UBE2J2: variants seen among roughly 807,000 people sequenced by gnomAD.
The protein encoded by UBE2J2 is ubiquitin conjugating enzyme E2 J2.
In UBE2J2, 5 loss-of-function variants were observed where a neutral mutation model predicts 28.6. The observed-to-expected ratio is 0.17, with a 90% CI of 0.09 to 0.37. The LOEUF is 0.37. UBE2J2 is among the 10% of genes least tolerant of loss of function. UBE2J2 has a pLI of 1.00. For synonymous variants in UBE2J2, 138 were observed against 139.7 expected (o/e 0.99, Z 0.09); for missense variants, 226 against 338.9 (o/e 0.67, Z 2.62).
At chr1:1,255,558 C>T (rs1185960947) in intron 6 of UBE2J2, 71 bp from the exon 7 acceptor site, 1 of 1,516,566 alleles carries the variant, frequency 6.6e-7, no homozygotes, top group Non-Finnish European at 8.9e-7. Context: ...CTCCCGTTCT[C>T]AGGAGTCCAC....
intron 1 of UBE2J2, among the ~76,000 whole-genome samples, chr1:1,269,418 CAG>C (rs879739732): frequency 2.6e-5 from 4 of 151,860 alleles, no homozygotes; most frequent in Non-Finnish European, 4.4e-5. Flanking sequence ...GTGATGAAAA[CAG>C]GGCTCCCTGC....
At position 1,268,093 on chromosome 1, in the gene UBE2J2, T is replaced by A; in HGVS notation, c.1-101A>T. On this transcript the variant is annotated intron_variant, in intron 1 of 6. Transcript: ENST00000349431. This position sits in a 1 kb window ranked among gnomAD's most constrained non-coding sequence, Gnocchi z 4.7. ...CCCGCCTCTGCAGCCCGCCATTCAT[T>A]CAGGGCCCGGTCACCCAGAGTCACA... 1 of 1,507,272 alleles carries A rather than the reference T, an allele frequency of 6.6e-7. No homozygotes were observed. The highest frequency in any genetic ancestry group is 9.1e-7 in the Non-Finnish European group (1 of 1,101,348). 93.4% of individuals were successfully genotyped at this position (1,507,272 alleles called of 1,614,324 possible). A position where few individuals can be genotyped will look rare whatever the true frequency, so the allele number is the denominator to read the frequency against.
Position 1,272,181 on chromosome 1 carries a change from T to C in UBE2J2, c.-1+1485A>G, listed in dbSNP as rs534823665. On this transcript the variant is annotated intron_variant, in intron 1 of 6. Transcript: ENST00000349431. ...AAAAAATTCCACAAAGGAAGCAAAC[T>C]GTGAGAACAGAGTTTGAAGCATATG... 1.0e-3 allele frequency among the ~76,000 whole-genome samples: 151 copies of C among 151,254 alleles called. 1 individual carries two copies. The highest frequency in any genetic ancestry group is 1.7e-3 in the Non-Finnish European group (118 of 67,856).
chr1:1,267,678 C>T (rs891774884), intron 2 of UBE2J2, 184 bp downstream of exon 2: 67 of 1,388,322 alleles, frequency 4.8e-5, no homozygotes, highest in Non-Finnish European at 6.0e-5. Flanking sequence ...CCCCGGCATG[C>T]GTCCATTGGG....
chr1:1,262,081 T>A (rs1464848955), intron 3 of UBE2J2: 1 of 298,366 alleles, frequency 3.4e-6, no homozygotes, highest in Admixed American at 4.8e-5. Flanking sequence ...GGTCTCGAAC[T>A]CCTGACCTCA....
At chr1:1,266,751 C>T (rs1056211559) in intron 2 of UBE2J2, among the ~76,000 whole-genome samples, 3 of 150,988 alleles carry the variant, frequency 2.0e-5, no homozygotes, top group Admixed American at 6.6e-5. Flanking sequence ...GGCATGAACC[C>T]GGCAGGCAGA....
chr1:1,266,179 AC>A (rs1175697401), intron 2 of UBE2J2: 1 of 1,295,578 alleles, frequency 7.7e-7, no homozygotes, highest in African/African-American at 1.5e-5. Flanking sequence ...GCTCCGCCTC[AC>A]CCTGGGTATC....
chr1:1,256,028 A>G lies in UBE2J2; in HGVS notation c.495+17T>C. 6.3e-7 allele frequency: 1 copy of G among 1,577,784 alleles called. No individual in the cohort carries two copies. Among genetic ancestry groups the G allele is most frequent in the Non-Finnish European group, 8.7e-7 (1 of 1,147,746 alleles). On this transcript the variant is annotated intron_variant, in intron 6 of 6. Coordinates refer to ENST00000349431, the MANE Select transcript of UBE2J2 (RefSeq NM_058167.3). ...TTTAACGCAGGGGAAGGCGAAACCC[A>G]CTTCCGTCTTTCTTACCTCCACGAC...
rs57125925 is a variant in UBE2J2 at position 1,265,603 on chromosome 1, T to TTGTGTGTGTGTGTGTGTGTGTGTG, written c.131+2235_132-2218dup. ...TGTGTGTGTGTGTGTTTTCTCTCCA[T>TTGTGTGTGTGTGTGTGTGTGTGTG]TGTGTGTGTGTGTGTGTGTGTGTGT... On this transcript the variant is annotated intron_variant, in intron 2 of 6. Transcript: ENST00000349431. 9.9e-5 allele frequency among the ~76,000 whole-genome samples: 12 copies of TTGTGTGTGTGTGTGTGTGTGTGTG among 120,948 alleles called. No homozygotes were observed. In the East Asian group the frequency reaches 1.0e-3, roughly 10 times the overall value. The allele number at this position is 120,948 out of a possible 152,430, so 79.3% of individuals were successfully genotyped here.
intron 1 of UBE2J2, chr1:1,272,802 C>T (rs1203434361): frequency 6.3e-6 from 1 of 159,654 alleles, no homozygotes; most frequent in East Asian, 1.9e-4. Context: ...TCCGGGCACC[C>T]AGACCCAACC....
intron 1 of UBE2J2, among the ~76,000 whole-genome samples, chr1:1,269,325 G>T (rs1054096519): frequency 6.6e-6 from 1 of 150,390 alleles, no homozygotes; most frequent in East Asian, 2.0e-4. Flanking sequence ...TGGGGAGAGG[G>T]GTGGTGATCA....
Position 1,268,858 on chromosome 1 carries a change from G to A in UBE2J2, c.1-866C>T, listed in dbSNP as rs966689750. ...ACGCCTAGCTAATTTTTTTTTTTTT[G>A]TAGAGCTGGGATCTCACTATGTTGC... On this transcript the variant is annotated intron_variant, in intron 1 of 6. Transcript: ENST00000349431. The surrounding 1 kb of genome is among the most constrained non-coding windows in gnomAD (Gnocchi z 4.7). Among the ~76,000 whole-genome samples the A allele has an allele frequency of 1.4e-5, 2 of 140,576 alleles. No homozygotes were observed. The highest frequency in any genetic ancestry group is 3.1e-5 in the Non-Finnish European group (2 of 64,548). 92.2% of individuals were successfully genotyped at this position (140,576 alleles called of 152,430 possible).
At chr1:1,261,251 T>C (rs1639543380) in intron 3 of UBE2J2, among the ~76,000 whole-genome samples, 2 of 152,106 alleles carry the variant, frequency 1.3e-5, no homozygotes, top group Admixed American at 1.3e-4. Flanking sequence ...GGAGCAGCAG[T>C]GCCATAGAGG....
intron 2 of UBE2J2, chr1:1,266,186 G>A: frequency 7.7e-7 from 1 of 1,292,434 alleles, no homozygotes; most frequent in Non-Finnish European, 1.0e-6. Context: ...CTCACCCTGG[G>A]TATCCTCCGC....
At chr1:1,272,153 A>AC (rs1422176861) in intron 1 of UBE2J2, among the ~76,000 whole-genome samples, 1 of 152,036 alleles carries the variant, frequency 6.6e-6, no homozygotes, top group East Asian at 1.9e-4. Flanking sequence ...CTGTATCAAA[A>AC]AAAAAAAATT....
chr1:1,261,339 C>T (rs1472915808), intron 3 of UBE2J2, among the ~76,000 whole-genome samples: 1 of 152,214 alleles, frequency 6.6e-6, no homozygotes, highest in African/African-American at 2.4e-5. Context: ...AGCACAGAGC[C>T]ACACACGGTT....
chr1:1,266,798 G>T (rs1336699252), intron 2 of UBE2J2, among the ~76,000 whole-genome samples: 1 of 152,202 alleles, frequency 6.6e-6, no homozygotes, highest in Non-Finnish European at 1.5e-5. Flanking sequence ...CTGCACTCCA[G>T]TCTGGGTGAC....
At chr1:1,259,157 CGT>C (rs796350165) in intron 3 of UBE2J2, among the ~76,000 whole-genome samples, 42 of 148,960 alleles carry the variant, frequency 2.8e-4, no homozygotes, top group African/African-American at 1.0e-3. Flanking sequence ...CGCGTGTGTG[CGT>C]GTCTGAGTGT....
intron 1 of UBE2J2, among the ~76,000 whole-genome samples, chr1:1,269,331 G>T (rs998566246): frequency 2.2e-5 from 3 of 135,434 alleles, no homozygotes; most frequent in Non-Finnish European, 4.7e-5. Context: ...GAGGGGTGGT[G>T]ATCATCATGC....
Sources: allele counts gnomAD v4.1 joint callset (sites outside exome capture counted in the v4.1 genomes callset), GRCh38; gene constraint gnomAD v4.1.1; non-coding constraint Gnocchi (gnomAD v3.1); transcripts MANE v1.5; gene names NCBI Gene and HGNC (gene_info 2026-07-23, HGNC 2026-07-21).